MTRR: variants seen among roughly 807,000 people sequenced by gnomAD.
MTRR encodes the protein 5-methyltetrahydrofolate-homocysteine methyltransferase reductase.
Under a neutral mutation model 79.2 loss-of-function variants are expected in MTRR, and 63 were observed. The ratio of observed to expected loss-of-function variants is 0.80; its 90% CI spans 0.65 to 0.98. The LOEUF is 0.98. Ranked by LOEUF, MTRR falls within the 50% of genes least tolerant of loss-of-function variation. The pLI, the probability that MTRR is intolerant of heterozygous loss-of-function variation, is 0.00. For missense variants in MTRR, 895 were observed against 839.6 expected, an observed-to-expected ratio of 1.07 and a Z score of -0.82; for synonymous variants, 355 against 313.3, an observed-to-expected ratio of 1.13 and a Z score of -1.41.
At chr5:7,885,244 A>C (rs6876840) in intron 6 of MTRR, 3,131 of 185,990 alleles carry the variant, frequency 0.017, 37 homozygotes, top group Non-Finnish European at 0.025. Context: ...CTGTCCCCTA[A>C]AGGAAAAGAG....
rs781413511 is a variant in MTRR at position 7,889,089 on chromosome 5, T to C, written c.1147-6T>C. 3.5e-5 allele frequency: 57 copies of C among 1,614,022 alleles called. No individual in the cohort carries two copies. The highest frequency in any genetic ancestry group is 4.6e-5 in the Non-Finnish European group (54 of 1,180,042). ...GTCACAATTTAAGGCGGGCTCCTTT[T>C]TGTAGGCATTTTTGCGAGCCCTTGT... is the stretch of plus-strand genomic sequence containing the variant. On this transcript the variant is annotated splice_region_variant and splice_polypyrimidine_tract_variant and intron_variant, in intron 8 of 14. Transcript: ENST00000440940.
Position 7,895,753 on chromosome 5 carries a change from C to T in MTRR, c.1577C>T (p.Thr526Ile). The stretch of plus-strand genomic sequence containing the variant: ...TTTCAGATATCCATCTCTCCTCGAA[C>T]AACAAATTCTTTCCACTTACCAGAT... ...LAPKISISPR[T>I]TNSFHLPDDP... is the part of the protein sequence containing the mutation. The change falls in exon 12 of 15, where the codon ACA (threonine) becomes ATA (isoleucine). Residue 526 changes from threonine (T) to isoleucine (I), a missense_variant. Coordinates refer to ENST00000440940, the MANE Select transcript of MTRR (RefSeq NM_002454.3). 6.2e-7 allele frequency: 1 copy of T among 1,614,038 alleles called. No individual in the cohort carries two copies. The highest frequency in any genetic ancestry group is 8.5e-7 in the Non-Finnish European group (1 of 1,179,936).
At chr5:7,861,195 G>A in intron 1 of MTRR, 1 of 1,612,442 alleles carries the variant, frequency 6.2e-7, no homozygotes, top group Non-Finnish European at 8.5e-7. Context: ...TTGTTTAATA[G>A]CTTCTTTCCC....
intron 3 of MTRR, among the ~76,000 whole-genome samples, chr5:7,873,808 C>T (rs192636804): frequency 2.9e-3 from 446 of 152,274 alleles, no homozygotes; most frequent in Middle Eastern, 6.8e-3. Flanking sequence ...AGTGGCTGGG[C>T]CTCATCCTAA....
chr5:7,883,260 G>A lies in MTRR; in HGVS notation c.886G>A (p.Val296Ile). ...TGATGCCATAAAAACCACTCTGCTGGTAGAATTGGACATTTCAGTAAGTTG... is the reference window on the plus strand; with the variant it reads ...TGATGCCATAAAAACCACTCTGCTGATAGAATTGGACATTTCAGTAAGTTG... ...TNDAIKTTLL[V>I]ELDISNTDFS... The change falls in exon 6 of 15, where the codon GTA becomes ATA. Residue 296 changes from valine (V) to isoleucine (I), a missense_variant. Physicochemically the swap from Val to Ile is conservative, Grantham distance 29. Coordinates refer to ENST00000440940, the MANE Select transcript of MTRR (RefSeq NM_002454.3). The A allele has an allele frequency of 6.2e-7, 1 of 1,614,226 alleles. No individual in the cohort carries two copies. Among genetic ancestry groups the A allele is most frequent in the Non-Finnish European group, 8.5e-7 (1 of 1,180,046 alleles).
chr5:7,853,607 C>T (rs1746139994), intron 1 of MTRR, among the ~76,000 whole-genome samples: 2 of 152,174 alleles, frequency 1.3e-5, no homozygotes, highest in African/African-American at 4.8e-5. Context: ...GGATGCACTA[C>T]CCAGGTCACT....
intron 6 of MTRR, 147 bp downstream of exon 6, chr5:7,883,424 G>T (rs1355461606): frequency 1.0e-6 from 1 of 973,728 alleles, no homozygotes; most frequent in African/African-American, 1.6e-5. Context: ...GTGCTGAGTT[G>T]TGTGGTGCTT....
chr5:7,853,335 A>T (rs1488107331), intron 1 of MTRR, among the ~76,000 whole-genome samples: 1 of 152,108 alleles, frequency 6.6e-6, no homozygotes, highest in Middle Eastern at 3.2e-3. Flanking sequence ...TTCTGCCGTG[A>T]TTGTAAGTTT....
intron 2 of MTRR, chr5:7,863,263 A>AG (rs1360794167): frequency 3.2e-5 from 13 of 410,944 alleles, no homozygotes; most frequent in African/African-American, 2.5e-4. Context: ...TAAAGAAGGA[A>AG]GGTAAAAAGG....
intron 11 of MTRR, among the ~76,000 whole-genome samples, chr5:7,895,456 A>G (rs1003006760): frequency 1.3e-5 from 2 of 152,250 alleles, no homozygotes; most frequent in East Asian, 3.9e-4. Context: ...ACCAAGAAAC[A>G]TGATTTGATT....
chr5:7,881,842 C>T (rs1390237753), intron 5 of MTRR, among the ~76,000 whole-genome samples: 1 of 152,148 alleles, frequency 6.6e-6, no homozygotes, highest in Non-Finnish European at 1.5e-5. Flanking sequence ...AGTTCTCAAG[C>T]ACCTGATGGA....
chr5:7,887,734 G>GTATA (rs72162827), intron 8 of MTRR, among the ~76,000 whole-genome samples: 6 of 141,786 alleles, frequency 4.2e-5, no homozygotes, highest in Admixed American at 1.4e-4. Context: ...CTGTATATGT[G>GTATA]TATATATATG....
At chr5:7,897,303 G>T in intron 14 of MTRR, 56 bp downstream of exon 14, 5 of 1,577,970 alleles carry the variant, frequency 3.2e-6, no homozygotes, top group Admixed American at 1.7e-5. Flanking sequence ...GATGTCTGTA[G>T]AAGAAAAAAA....
intron 14 of MTRR, 84 bp from the exon 15 acceptor site, chr5:7,899,830 C>G (rs1739186979): frequency 4.6e-6 from 7 of 1,536,716 alleles, no homozygotes; most frequent in Non-Finnish European, 6.3e-6. Context: ...GTGGTACAGT[C>G]AAAAGGAATT....
chr5:7,896,735 C>G, intron 12 of MTRR, 129 bp from the exon 13 acceptor site: 1 of 776,228 alleles, frequency 1.3e-6, no homozygotes, highest in South Asian at 1.5e-5. Context: ...AATTAAATGA[C>G]TGAATGTTCA....
intron 11 of MTRR, among the ~76,000 whole-genome samples, chr5:7,895,178 AT>A (rs541791903): frequency 6.6e-6 from 1 of 152,244 alleles, no homozygotes; most frequent in South Asian, 2.1e-4. Context: ...ATCTTTTGAA[AT>A]TTTAACAAAA....
At chr5:7,887,792 GCATATATATATA>G (rs1167096116) in intron 8 of MTRR, among the ~76,000 whole-genome samples, 4 of 25,992 alleles carry the variant, frequency 1.5e-4, no homozygotes, top group East Asian at 1.2e-3. Flanking sequence ...GTGTGTGTGT[GCATATATATATA>G]TATATATATA....
chr5:7,868,064 C>T, upstream of MTRR: 1 of 1,606,688 alleles, frequency 6.2e-7, no homozygotes, highest in Non-Finnish European at 8.5e-7. Flanking sequence ...AAGGTTCTTC[C>T]TCAAGGTGAT....
intron 9 of MTRR, among the ~76,000 whole-genome samples, 191 bp downstream of exon 9, chr5:7,889,466 C>T (rs1421530624): frequency 6.6e-6 from 1 of 152,146 alleles, no homozygotes; most frequent in Non-Finnish European, 1.5e-5. Context: ...GCTGTGACAT[C>T]TGTGTGCCCT....
Sources: allele counts gnomAD v4.1 joint callset (sites outside exome capture counted in the v4.1 genomes callset), GRCh38; gene constraint gnomAD v4.1.1; transcripts MANE v1.5; gene names NCBI Gene and HGNC (gene_info 2026-07-23, HGNC 2026-07-21).